Variants in DST observed in about 807,000 individuals in gnomAD.
The protein encoded by DST is dystonin, also known as bullous pemphigoid antigen.
A neutral mutation model predicts 875.2 loss-of-function variants in DST; 253 were observed. The observed-to-expected ratio is 0.29, with a 90% CI of 0.26 to 0.32. The LOEUF is 0.32. DST is among the 10% of genes least tolerant of loss of function. The probability of loss-of-function intolerance (pLI) is 1.00; values close to 1 mark genes in which losing one functional copy is unlikely to be tolerated. For missense variants in DST, 8,287 were observed against 9,111.6 expected, an observed-to-expected ratio of 0.91 and a Z score of 3.68; for synonymous variants, 3,124 against 3,197.1, an observed-to-expected ratio of 0.98 and a Z score of 0.77.
intron 4 of DST, among the ~76,000 whole-genome samples, chr6:56,759,781 G>C (rs2099613113): frequency 6.6e-6 from 1 of 152,100 alleles, no homozygotes; most frequent in African/African-American, 2.4e-5. Context: ...AATCTGACTG[G>C]ATGTGTCCTA....
At chr6:56,633,922 G>A (rs1188470786) in intron 27 of DST, among the ~76,000 whole-genome samples, 2 of 152,120 alleles carry the variant, frequency 1.3e-5, no homozygotes, top group Admixed American at 6.5e-5. Flanking sequence ...AGTAAGTTCT[G>A]AATGAAATTT....
At chr6:56,916,149 A>G (rs546742475) in intron 2 of DST, among the ~76,000 whole-genome samples, 49 of 152,330 alleles carry the variant, frequency 3.2e-4, no homozygotes, top group Non-Finnish European at 4.7e-4. Flanking sequence ...AAGAGCTCAT[A>G]CATCAGCACA....
Position 56,703,638 on chromosome 6 carries a change from C to T in DST, c.876+10G>A, listed in dbSNP as rs1028773368. The T allele has an allele frequency of 1.0e-4, 98 of 965,102 alleles. No homozygotes were observed. In the East Asian group the frequency reaches 1.4e-3, roughly 14 times the overall value. 59.8% of individuals were successfully genotyped at this position (965,102 alleles called of 1,614,324 possible). The stretch of plus-strand genomic sequence containing the variant: ...GGCTAGGTTAGTCAAGTTATGGGGG[C>T]GACACCTACCCCCTTATCCTCATCC... On this transcript the variant is annotated intron_variant, in intron 7 of 103. Coordinates refer to ENST00000680361, the MANE Select transcript of DST (RefSeq NM_001374736.1).
intron 2 of DST, among the ~76,000 whole-genome samples, chr6:56,903,492 C>T (rs1795041350): frequency 6.6e-6 from 1 of 152,186 alleles, no homozygotes; most frequent in East Asian, 1.9e-4. Flanking sequence ...CAGAATCTTG[C>T]TCTGTCACCC....
intron 3 of DST, among the ~76,000 whole-genome samples, chr6:56,878,222 G>C (rs1014577003): frequency 6.6e-6 from 1 of 152,146 alleles, no homozygotes; most frequent in African/African-American, 2.4e-5. Flanking sequence ...TATGTCTTGA[G>C]CATTTCCTCC....
At chr6:56,673,303 G>A (rs1229257624) in intron 9 of DST, among the ~76,000 whole-genome samples, 2 of 151,980 alleles carry the variant, frequency 1.3e-5, no homozygotes, top group Non-Finnish European at 2.9e-5. Flanking sequence ...AGAAAAAGTT[G>A]AGCCTCTTGG....
intron 2 of DST, among the ~76,000 whole-genome samples, chr6:56,912,626 T>C (rs1592393441): frequency 6.6e-6 from 1 of 152,236 alleles, no homozygotes; most frequent in African/African-American, 2.4e-5. Context: ...AATAAAAGTT[T>C]ATGCCTCGCT....
chr6:56,873,398 G>T (rs908867025), intron 3 of DST, among the ~76,000 whole-genome samples: 2 of 152,094 alleles, frequency 1.3e-5, no homozygotes, highest in African/African-American at 4.8e-5. Context: ...TCTTACTGAA[G>T]AAATCTTTGC....
chr6:56,954,400 G>C lies in DST; in HGVS notation c.181+7C>G. 1 of 1,365,444 alleles carries C rather than the reference G, an allele frequency of 7.3e-7. No homozygotes were observed. Among genetic ancestry groups the C allele is most frequent in the Non-Finnish European group, 9.8e-7 (1 of 1,020,868 alleles). 84.6% of individuals were successfully genotyped at this position (1,365,444 alleles called of 1,614,324 possible). On this transcript the variant is annotated splice_region_variant and intron_variant, in intron 1 of 103. Coordinates refer to ENST00000680361, the MANE Select transcript of DST (RefSeq NM_001374736.1). ...AGCCCGCAGAAACCCGTCGCGGCGT[G>C]TCTTACCTCGGCTTCTTGAACGACC...
intron 85 of DST, among the ~76,000 whole-genome samples, chr6:56,491,982 T>C (rs1370719116): frequency 6.6e-6 from 1 of 152,228 alleles, no homozygotes; most frequent in Non-Finnish European, 1.5e-5. Flanking sequence ...AGCCTGTCTA[T>C]GAAGTCAAGC....
intron 4 of DST, among the ~76,000 whole-genome samples, chr6:56,748,243 T>C (rs1202368660): frequency 6.6e-6 from 1 of 152,176 alleles, no homozygotes; most frequent in Non-Finnish European, 1.5e-5. Context: ...GTATACCCTG[T>C]ATATGGCTTC....
chr6:56,676,798 T>C (rs991957626), intron 9 of DST, among the ~76,000 whole-genome samples: 1 of 151,968 alleles, frequency 6.6e-6, no homozygotes, highest in Non-Finnish European at 1.5e-5. Flanking sequence ...AAATATTGAA[T>C]GATCTCACTT....
At chr6:56,849,608 T>A (rs979432306) in intron 4 of DST, among the ~76,000 whole-genome samples, 1 of 152,196 alleles carries the variant, frequency 6.6e-6, no homozygotes, top group Non-Finnish European at 1.5e-5. Context: ...TGCATCCCAT[T>A]AGAACATAGA....
intron 2 of DST, among the ~76,000 whole-genome samples, chr6:56,939,842 T>C (rs953953826): frequency 6.6e-6 from 1 of 151,906 alleles, no homozygotes; most frequent in Non-Finnish European, 1.5e-5. Flanking sequence ...CTGGCCAACA[T>C]GATGAAACCC....
At position 56,572,744 on chromosome 6, in the gene DST, T is replaced by C. The variant is rs1247072087; in HGVS notation, c.13554+3A>G. 5 of 1,567,376 alleles carry C rather than the reference T, an allele frequency of 3.2e-6. No individual in the cohort carries two copies. Among genetic ancestry groups the C allele is most frequent in the Admixed American group, 1.9e-5 (1 of 53,458 alleles). ...AGCCTCCTGAGTAGTAAGGGAGGCATACCTGCATATACTGAGACAATTCAG... is the reference window on the plus strand; with the variant it reads ...AGCCTCCTGAGTAGTAAGGGAGGCACACCTGCATATACTGAGACAATTCAG... On this transcript the variant is annotated splice_donor_region_variant and intron_variant, in intron 52 of 103. Transcript: ENST00000680361.
intron 36 of DST, chr6:56,619,529 T>C: frequency 6.2e-7 from 1 of 1,613,450 alleles, no homozygotes; most frequent in Non-Finnish European, 8.5e-7. Context: ...ATTTAAATGC[T>C]GAATATTCTT....
Position 56,778,384 on chromosome 6 carries a change from ATTTT to A in DST, c.626-43099_626-43096del, listed in dbSNP as rs905719054. The stretch of plus-strand genomic sequence containing the variant: ...TTTTTTTTTTTCAAATCTGTTAGTT[ATTTT>A]TTTTTTAATTATACTTTAAGTTTTA... On this transcript the variant is annotated intron_variant, in intron 4 of 103. Transcript: ENST00000680361. Among the ~76,000 whole-genome samples the A allele has an allele frequency of 8.8e-5, 8 of 90,762 alleles. 1 individual carries two copies. The highest frequency in any genetic ancestry group is 2.2e-4 in the Admixed American group (2 of 9,070). The allele number at this position is 90,762 out of a possible 152,430, so 59.5% of individuals were successfully genotyped here.
intron 3 of DST, among the ~76,000 whole-genome samples, chr6:56,853,681 A>AT (rs1039470116): frequency 1.8e-4 from 28 of 151,980 alleles, no homozygotes; most frequent in Non-Finnish European, 1.0e-4. Context: ...TGTAGAGTAA[A>AT]TTTTTTTAAT....
At chr6:56,638,164 T>C (rs1406826901) in intron 22 of DST, among the ~76,000 whole-genome samples, 2 of 152,128 alleles carry the variant, frequency 1.3e-5, no homozygotes, top group Non-Finnish European at 2.9e-5. Flanking sequence ...ACATGTTCCA[T>C]TCCCATCAAA....
Sources: gnomAD v4.1 joint callset for allele counts (sites outside exome capture counted in the v4.1 genomes callset) on GRCh38, gnomAD v4.1.1 for gene constraint, MANE v1.5 for transcripts, NCBI Gene and HGNC (gene_info 2026-07-23, HGNC 2026-07-21) for gene names.